The following GREB1L variants were observed in gnomAD, a reference collection of about 807,000 sequenced individuals.
GREB1L encodes GREB1 like retinoic acid receptor coactivator, also known as GREB1-like protein.
Under a neutral mutation model 200.8 loss-of-function variants are expected in GREB1L, and 17 were observed. That is an observed-to-expected ratio of 0.08 (90% CI 0.06 to 0.13). GREB1L has a LOEUF of 0.13. Among genes scored for constraint, GREB1L ranks in the 10% least tolerant of loss-of-function variants. The pLI is 1.00. For missense variants in GREB1L, 1,657 were observed against 2,367.7 expected (o/e 0.70, Z 6.23); for synonymous variants, 789 against 893.0 (o/e 0.88, Z 2.08).
intron 1 of GREB1L, among the ~76,000 whole-genome samples, chr18:21,281,805 G>A (rs2144455292): frequency 6.6e-6 from 1 of 152,254 alleles, no homozygotes; most frequent in East Asian, 1.9e-4. Context: ...TGTGGTAATG[G>A]TTGCATAACT....
chr18:21,346,801 G>A (rs997184091), intron 1 of GREB1L, among the ~76,000 whole-genome samples: 1 of 152,136 alleles, frequency 6.6e-6, no homozygotes, highest in South Asian at 2.1e-4. Flanking sequence ...CCATCAATGT[G>A]TGGCTTCCAT....
chr18:21,458,152 G>C (rs1006811303), intron 15 of GREB1L, among the ~76,000 whole-genome samples: 1 of 151,942 alleles, frequency 6.6e-6, no homozygotes, highest in Non-Finnish European at 1.5e-5. Context: ...TGTATTTTTA[G>C]TAGAGACAGG....
At chr18:21,418,469 GTATTTTTATTGTTGTATTTT>G (rs1169364537) in intron 7 of GREB1L, among the ~76,000 whole-genome samples, 3 of 151,838 alleles carry the variant, frequency 2.0e-5, no homozygotes, top group Non-Finnish European at 4.4e-5. Flanking sequence ...TTTTAAATTT[GTATTTTTATTGTTGTATTTT>G]TATTTTTATT....
intron 1 of GREB1L, among the ~76,000 whole-genome samples, chr18:21,346,816 G>C (rs1485150199): frequency 1.3e-5 from 2 of 152,086 alleles, no homozygotes; most frequent in Non-Finnish European, 2.9e-5. Context: ...TTCCATCCTT[G>C]TTCTCTCTCT....
chr18:21,278,429 TA>T (rs2038213320), intron 1 of GREB1L, among the ~76,000 whole-genome samples: 1 of 146,912 alleles, frequency 6.8e-6, no homozygotes, highest in Non-Finnish European at 1.5e-5. Context: ...AATAAATAAA[TA>T]AAGTTACAAC....
At chr18:21,285,672 A>T (rs1367551868) in intron 1 of GREB1L, among the ~76,000 whole-genome samples, 1 of 152,212 alleles carries the variant, frequency 6.6e-6, no homozygotes. Flanking sequence ...TTTGTCTGAA[A>T]TTAATTTCTA....
chr18:21,426,960 AAAAAAAAAAAAACAAAAAAAAAAAAAAC>A (rs1442446256), intron 7 of GREB1L, among the ~76,000 whole-genome samples: 4 of 74,762 alleles, frequency 5.4e-5, no homozygotes, highest in Admixed American at 3.7e-4. Context: ...CTACGTCTCA[AAAAAAAAAAAAACAAAAAAAAAAAAAAC>A]AAAAAAAAAA....
chr18:21,269,657 T>C (rs1413664547), intron 1 of GREB1L, among the ~76,000 whole-genome samples: 1 of 152,104 alleles, frequency 6.6e-6, no homozygotes, highest in Non-Finnish European at 1.5e-5. Flanking sequence ...TTGGAAATGG[T>C]GTAATAGTAA....
At chr18:21,282,808 C>T (rs2038292062) in intron 1 of GREB1L, among the ~76,000 whole-genome samples, 1 of 152,132 alleles carries the variant, frequency 6.6e-6, no homozygotes, top group Non-Finnish European at 1.5e-5. Flanking sequence ...CCATATTGGC[C>T]AGGCTGGTCT....
In GREB1L at chr18:21,524,609, C is replaced by T. The variant is rs2037654132; in HGVS notation, c.*1788C>T. 1 of 152,134 alleles carries T rather than the reference C, an allele frequency of 6.6e-6. No homozygotes were observed. The allele number at this position is 152,134 out of a possible 1,614,324, so 9.4% of individuals were successfully genotyped here. ...CTGTGCAATATTCCAATAACATTTA[C>T]ATAGGGCAAATAAAATACTTGAAAG... is the stretch of plus-strand genomic sequence containing the variant. On this transcript the variant is annotated 3_prime_UTR_variant, in exon 33 of 33. Transcript: ENST00000424526.
chr18:21,454,728 C>G (rs747084672), intron 15 of GREB1L, 165 bp downstream of exon 15: 10 of 646,684 alleles, frequency 1.5e-5, no homozygotes, highest in Non-Finnish European at 2.5e-5. Context: ...AGTTTTCCCT[C>G]AAAGTACTCT....
chr18:21,402,067 C>A (rs1215866669), intron 6 of GREB1L, among the ~76,000 whole-genome samples: 2 of 152,124 alleles, frequency 1.3e-5, no homozygotes, highest in Admixed American at 6.6e-5. Flanking sequence ...ACCTTAATTT[C>A]TCTTAGTTAT....
intron 1 of GREB1L, among the ~76,000 whole-genome samples, chr18:21,303,596 G>C (rs1191694667): frequency 6.6e-6 from 1 of 152,122 alleles, no homozygotes; most frequent in Non-Finnish European, 1.5e-5. Flanking sequence ...CTGTTACTTT[G>C]CTTCTTTGCA....
intron 1 of GREB1L, among the ~76,000 whole-genome samples, chr18:21,334,180 A>C (rs1422186417): frequency 1.3e-5 from 2 of 152,192 alleles, no homozygotes; most frequent in African/African-American, 4.8e-5. Flanking sequence ...TAAGTTTTGC[A>C]GTAACTATAG....
rs540629933 is a variant in GREB1L, at chr18:21,247,122, T to G, written c.-120+4729T>G. Among the ~76,000 whole-genome samples, 31 of 152,264 alleles carry G rather than the reference T, an allele frequency of 2.0e-4. No individual in the cohort carries two copies. In the South Asian group the frequency reaches 6.2e-3, roughly 31 times the overall value. Reference sequence around the variant, plus strand: ...AGGAGGGCTCCCTATTGTGTACACTTTCTTCCCTCCCATTCTTGACTGGTG... The same window carrying G: ...AGGAGGGCTCCCTATTGTGTACACTGTCTTCCCTCCCATTCTTGACTGGTG... On this transcript the variant is annotated intron_variant, in intron 1 of 32. Transcript: ENST00000424526.
At chr18:21,445,989 T>C (rs1236928260) in intron 11 of GREB1L, among the ~76,000 whole-genome samples, 2 of 152,158 alleles carry the variant, frequency 1.3e-5, no homozygotes, top group African/African-American at 4.8e-5. Context: ...AGAAAATCAC[T>C]ATAGCACTCT....
chr18:21,430,006 C>T (rs143750792), intron 7 of GREB1L, among the ~76,000 whole-genome samples: 46 of 152,274 alleles, frequency 3.0e-4, no homozygotes, highest in Non-Finnish European at 4.9e-4. Flanking sequence ...CGTCTTCTTG[C>T]TGTGTCCTCA....
chr18:21,243,701 A>G (rs979029899), intron 1 of GREB1L, among the ~76,000 whole-genome samples: 6 of 152,180 alleles, frequency 3.9e-5, no homozygotes, highest in Non-Finnish European at 7.3e-5. Context: ...CTTTGCTGAA[A>G]TTTTCTAGGA....
At chr18:21,502,911 C>T (rs2036857198) in intron 23 of GREB1L, among the ~76,000 whole-genome samples, 2 of 152,332 alleles carry the variant, frequency 1.3e-5, no homozygotes, top group East Asian at 1.9e-4. Context: ...GAGTCTGCTA[C>T]AGCCTGTTTG....
Sources: gnomAD v4.1 joint callset for allele counts (sites outside exome capture counted in the v4.1 genomes callset) on GRCh38, gnomAD v4.1.1 for gene constraint, MANE v1.5 for transcripts, NCBI Gene and HGNC (gene_info 2026-07-23, HGNC 2026-07-21) for gene names.